TRPM3: variants seen among roughly 807,000 people sequenced by gnomAD.
The protein encoded by TRPM3 is transient receptor potential cation channel subfamily M member 3.
A neutral mutation model predicts 181.2 loss-of-function variants in TRPM3; 77 were observed. The observed-to-expected ratio is 0.42, with a 90% confidence interval of 0.35 to 0.51. The LOEUF (loss-of-function observed/expected upper bound fraction) is 0.51. Among genes scored for constraint, TRPM3 ranks in the 20% least tolerant of loss-of-function variants. The pLI, the probability that TRPM3 is intolerant of heterozygous loss-of-function variation, is 0.01. For missense variants in TRPM3, 1,759 were observed against 2,196.7 expected (o/e 0.80, Z 3.98); for synonymous variants, 745 against 796.4 (o/e 0.94, Z 1.09).
intron 1 of TRPM3, among the ~76,000 whole-genome samples, chr9:70,933,067 A>C (rs1039635985): frequency 6.6e-6 from 1 of 152,186 alleles, no homozygotes; most frequent in African/African-American, 2.4e-5. Context: ...TGGTTTCTAC[A>C]TCAAGATAAA....
chr9:71,262,597 G>A (rs1459843270), intron 1 of TRPM3, among the ~76,000 whole-genome samples: 9 of 152,202 alleles, frequency 5.9e-5, no homozygotes, highest in Non-Finnish European at 1.0e-4. Flanking sequence ...AACTCCTGCA[G>A]CTAGCTCAGT....
chr9:71,171,811 C>T (rs921591325), intron 1 of TRPM3, among the ~76,000 whole-genome samples: 2 of 152,104 alleles, frequency 1.3e-5, no homozygotes, highest in East Asian at 1.9e-4. Context: ...ATCTGTGTTA[C>T]GCGGCAGCTT....
intron 1 of TRPM3, among the ~76,000 whole-genome samples, chr9:71,279,368 T>C (rs948924433): frequency 6.6e-6 from 1 of 152,224 alleles, no homozygotes; most frequent in Non-Finnish European, 1.5e-5. Flanking sequence ...ACTGACGTTC[T>C]CCAGGGCAAT....
At chr9:70,738,222 A>G (rs1485017248) in intron 8 of TRPM3, among the ~76,000 whole-genome samples, 6 of 152,154 alleles carry the variant, frequency 3.9e-5, no homozygotes, top group African/African-American at 1.4e-4. Flanking sequence ...AAAGGAACCC[A>G]CAAAACCATG....
chr9:70,958,019 T>A (rs1328671498), intron 1 of TRPM3, among the ~76,000 whole-genome samples: 1 of 152,202 alleles, frequency 6.6e-6, no homozygotes, highest in African/African-American at 2.4e-5. Flanking sequence ...ATGTATGAAA[T>A]TAGACATGGA....
intron 1 of TRPM3, among the ~76,000 whole-genome samples, chr9:71,105,842 G>A (rs2069403348): frequency 6.6e-6 from 1 of 152,210 alleles, no homozygotes; most frequent in African/African-American, 2.4e-5. Context: ...AAATCTGACA[G>A]TGGTTACCTT....
At position 71,054,887 on chromosome 9, in the gene TRPM3, C is replaced by A. The variant is rs555904949; in HGVS notation, c.177+66291G>T. Among the ~76,000 whole-genome samples, 6 of 152,202 alleles carry A rather than the reference C, an allele frequency of 3.9e-5. No homozygotes were observed. In the East Asian group the frequency reaches 1.2e-3, roughly 29 times the overall value. On this transcript the variant is annotated intron_variant, in intron 1 of 25. Coordinates refer to ENST00000677713, the MANE Select transcript of TRPM3 (RefSeq NM_001366145.2). ...CCATTTCCATTCTATAAAATGAAGA[C>A]AATAACAGTAGCTTATAATAACTTA...
intron 7 of TRPM3, chr9:70,774,195 T>G (rs912348433): frequency 6.5e-6 from 1 of 152,760 alleles, no homozygotes. Flanking sequence ...ACACTCTAAT[T>G]TTTTTTCTTC....
intron 1 of TRPM3, among the ~76,000 whole-genome samples, chr9:71,285,168 T>G (rs1410741502): frequency 2.6e-5 from 4 of 152,210 alleles, no homozygotes; most frequent in African/African-American, 4.8e-5. Context: ...CATTTTCTTC[T>G]AAAAGTGCCC....
intron 1 of TRPM3, among the ~76,000 whole-genome samples, chr9:71,250,872 T>A (rs1450643016): frequency 6.6e-6 from 1 of 151,048 alleles, no homozygotes; most frequent in African/African-American, 2.4e-5. Context: ...ACCAGAGAGG[T>A]AGGAGAGGAT....
intron 6 of TRPM3, among the ~76,000 whole-genome samples, chr9:70,803,171 A>T (rs115182770): frequency 6.6e-6 from 1 of 150,462 alleles, no homozygotes; most frequent in Non-Finnish European, 1.5e-5. Flanking sequence ...TGAGCCTTGG[A>T]TGGGGGGCAA....
At chr9:70,575,645 T>G (rs1461593952) in intron 22 of TRPM3, among the ~76,000 whole-genome samples, 1 of 152,218 alleles carries the variant, frequency 6.6e-6, no homozygotes, top group East Asian at 1.9e-4. Context: ...AATGCTCTTT[T>G]TCTGGGCTGT....
intron 1 of TRPM3, among the ~76,000 whole-genome samples, chr9:70,932,857 T>C (rs1337013): frequency 0.12 from 18,092 of 152,168 alleles, 1,550 homozygotes; most frequent in African/African-American, 0.25. Context: ...GTAGAACATC[T>C]TAGGCAAAAC....
At chr9:71,215,461 T>C (rs903671488) in intron 1 of TRPM3, among the ~76,000 whole-genome samples, 1 of 152,344 alleles carries the variant, frequency 6.6e-6, no homozygotes, top group Non-Finnish European at 1.5e-5. Context: ...AGTTTAATTT[T>C]AGGATCCATT....
chr9:71,028,126 A>G (rs1226105777), intron 1 of TRPM3, among the ~76,000 whole-genome samples: 5 of 152,198 alleles, frequency 3.3e-5, no homozygotes, highest in African/African-American at 1.2e-4. Context: ...CTTAGCAAAA[A>G]CCATACAAGC....
chr9:71,439,322 T>C (rs926919375), intron 1 of TRPM3, among the ~76,000 whole-genome samples: 6 of 152,230 alleles, frequency 3.9e-5, no homozygotes, highest in Admixed American at 6.5e-5. Flanking sequence ...ACATGCATTG[T>C]AACAAGTCTA....
chr9:71,068,496 C>T (rs2062237754), intron 1 of TRPM3, among the ~76,000 whole-genome samples: 1 of 152,162 alleles, frequency 6.6e-6, no homozygotes, highest in Non-Finnish European at 1.5e-5. Context: ...TGCTAACTAC[C>T]AAACATGATG....
chr9:71,031,580 G>C (rs1016850432), intron 1 of TRPM3, among the ~76,000 whole-genome samples: 1 of 152,000 alleles, frequency 6.6e-6, no homozygotes, highest in Non-Finnish European at 1.5e-5. Context: ...TGCTATGTTT[G>C]TGTTTTCTGT....
At chr9:70,889,768 G>C (rs1220461367) in intron 1 of TRPM3, among the ~76,000 whole-genome samples, 1 of 151,832 alleles carries the variant, frequency 6.6e-6, no homozygotes, top group Admixed American at 6.6e-5. Flanking sequence ...ATAGCCAAGG[G>C]TCATCAGGAA....
Sources: gnomAD v4.1 joint callset for allele counts (sites outside exome capture counted in the v4.1 genomes callset) on GRCh38, gnomAD v4.1.1 for gene constraint, MANE v1.5 for transcripts, NCBI Gene and HGNC (gene_info 2026-07-23, HGNC 2026-07-21) for gene names.